HMGCL: variants seen among roughly 807,000 people sequenced by gnomAD.
The protein encoded by HMGCL is 3-hydroxy-3-methylglutaryl-CoA lyase.
A neutral mutation model predicts 37.3 loss-of-function variants in HMGCL; 26 were observed. That is an observed-to-expected ratio of 0.70 (90% CI 0.51 to 0.97). HMGCL has a LOEUF of 0.97. HMGCL is among the 50% of genes least tolerant of loss of function. HMGCL has a pLI of 0.00. For synonymous variants in HMGCL, 151 were observed against 148.0 expected (o/e 1.02, Z -0.15); for missense variants, 379 against 398.1 (o/e 0.95, Z 0.41).
Position 23,810,751 on chromosome 1 carries a change from TG to T in HMGCL, c.545del (p.Pro182GlnfsTer4), listed in dbSNP as rs2148420687. 3 of 1,614,002 alleles carry T rather than the reference TG, an allele frequency of 1.9e-6. No homozygotes were observed. Among genetic ancestry groups the T allele is most frequent in the Non-Finnish European group, 2.5e-6 (3 of 1,179,928 alleles). On this transcript the variant is annotated frameshift_variant, in exon 6 of 9. Coordinates refer to ENST00000374490, the MANE Select transcript of HMGCL (RefSeq NM_000191.3). LOFTEE classifies it high-confidence loss of function. ...LGCPYEGKIS[P>X]AKVAEVTKKF... is the part of the protein sequence containing the mutation. ...ATGCACACACCTCAGCTACTTTAGC[TG>T]GGGAGATCTTCCCTTCATAAGGGCA...
chr1:23,808,095 A>C, intron 7 of HMGCL, 40 bp downstream of exon 7: 2 of 1,564,152 alleles, frequency 1.3e-6, no homozygotes, highest in Non-Finnish European at 1.8e-6. Context: ...TGTCCTGCCC[A>C]CCGTGACCTT....
rs747591535 is a variant in HMGCL at position 23,818,141 on chromosome 1, C to T, written c.145-558G>A. Reference sequence around the variant, plus strand: ...GCTTTCTATGGCTCCCTAATATTTACAGGATTACGCAAAAAATTCTAAGAA... The same window carrying T: ...GCTTTCTATGGCTCCCTAATATTTATAGGATTACGCAAAAAATTCTAAGAA... On this transcript the variant is annotated intron_variant, in intron 2 of 8. Coordinates refer to ENST00000374490, the MANE Select transcript of HMGCL (RefSeq NM_000191.3). 1.1e-3 allele frequency among the ~76,000 whole-genome samples: 165 copies of T among 152,170 alleles called. 1 individual carries two copies. The highest frequency in any genetic ancestry group is 3.2e-4 in the Non-Finnish European group (22 of 68,030).
intron 1 of HMGCL, 121 bp from the exon 2 acceptor site, chr1:23,820,714 C>A: frequency 1.3e-6 from 1 of 748,014 alleles, no homozygotes; most frequent in Non-Finnish European, 2.4e-6. Context: ...ATATTTCTCA[C>A]CATTTAATTC....
intron 6 of HMGCL, chr1:23,810,076 A>T (rs1039725158): frequency 1.3e-5 from 2 of 155,052 alleles, no homozygotes; most frequent in Non-Finnish European, 2.9e-5. Flanking sequence ...GTGGCAACTG[A>T]GGCTAAGACC....
chr1:23,807,237 G>C (rs370162332), intron 7 of HMGCL: 2 of 518,714 alleles, frequency 3.9e-6, no homozygotes, highest in Admixed American at 1.9e-5. Context: ...GCTGGGAAAC[G>C]CATGAGCTGA....
chr1:23,810,073 C>T (rs955247502), intron 6 of HMGCL: 2 of 154,980 alleles, frequency 1.3e-5, no homozygotes, highest in African/African-American at 2.4e-5. Context: ...ATTGTGGCAA[C>T]TGAGGCTAAG....
intron 7 of HMGCL, 124 bp from the exon 8 acceptor site, chr1:23,804,649 T>C: frequency 9.5e-7 from 1 of 1,051,144 alleles, no homozygotes; most frequent in Non-Finnish European, 1.4e-6. Flanking sequence ...CTTTGGCTTA[T>C]GATTCTGTTG....
rs373848421 is a variant in HMGCL at position 23,820,742 on chromosome 1, G to A, written c.61-149C>T. The A allele has an allele frequency of 3.4e-4, 236 of 694,130 alleles. No homozygotes were observed. The East Asian group carries it at 3.9e-3, about 12-fold the overall frequency. The allele number at this position is 694,130 out of a possible 1,614,324, so 43.0% of individuals were successfully genotyped here. A position where few individuals can be genotyped will look rare whatever the true frequency, so the allele number is the denominator to read the frequency against. On this transcript the variant is annotated intron_variant, in intron 1 of 8. Transcript: ENST00000374490. ...TTTAATTCACATTTGGTCTATTTTA[G>A]AATTAAGAACAAAAAGAATATTTCA...
intron 1 of HMGCL, among the ~76,000 whole-genome samples, chr1:23,821,366 TA>T (rs1031719214): frequency 1.4e-5 from 2 of 145,956 alleles, no homozygotes; most frequent in Admixed American, 1.4e-4. Context: ...CCAAAAAAAA[TA>T]AAAAAAGGCC....
At chr1:23,809,151 A>G (rs892446057) in intron 6 of HMGCL, 33 of 148,898 alleles carry the variant, frequency 2.2e-4, no homozygotes, top group African/African-American at 8.2e-4. Context: ...GGTGATCCAC[A>G]TGCTTCGGCC....
intron 1 of HMGCL, among the ~76,000 whole-genome samples, chr1:23,824,131 CCA>C (rs1208979247): frequency 1.3e-5 from 2 of 152,178 alleles, no homozygotes; most frequent in East Asian, 3.8e-4. Flanking sequence ...AAGTACTGTG[CCA>C]CAGTGTCCTG....
chr1:23,823,397 G>A (rs1638757500), intron 1 of HMGCL, among the ~76,000 whole-genome samples: 1 of 151,418 alleles, frequency 6.6e-6, no homozygotes, highest in African/African-American at 2.4e-5. Context: ...TCTGTCTCCA[G>A]GCTGGAGAGC....
At chr1:23,802,664 G>A (rs1638306378) in intron 8 of HMGCL, 100 bp from the exon 9 acceptor site, 3 of 837,396 alleles carry the variant, frequency 3.6e-6, no homozygotes, top group African/African-American at 3.3e-5. Context: ...GAAAAGTAAA[G>A]GTGAAGATAA....
chr1:23,808,435 C>T (rs1638453150), intron 6 of HMGCL, 112 bp from the exon 7 acceptor site: 3 of 845,846 alleles, frequency 3.5e-6, no homozygotes, highest in Non-Finnish European at 6.2e-6. Flanking sequence ...ATGACGCACT[C>T]AGTTCCTACT....
In HMGCL at chr1:23,816,827, T is replaced by C; in HGVS notation, c.253-57A>G. 3 of 1,070,808 alleles carry C rather than the reference T, an allele frequency of 2.8e-6. No homozygotes were observed. The South Asian group carries it at 3.7e-5, about 13-fold the overall frequency. The allele number at this position is 1,070,808 out of a possible 1,614,324, so 66.3% of individuals were successfully genotyped here. Reference sequence around the variant, plus strand: ...CACCAAGAGCAGACAGAGAGTTCAGTTAGAGAAAACCTTTTCATCACAAAA... The same window carrying C: ...CACCAAGAGCAGACAGAGAGTTCAGCTAGAGAAAACCTTTTCATCACAAAA... On this transcript the variant is annotated intron_variant, in intron 3 of 8. Coordinates refer to ENST00000374490, the MANE Select transcript of HMGCL (RefSeq NM_000191.3).
chr1:23,818,595 A>C (rs1158065262), intron 2 of HMGCL, among the ~76,000 whole-genome samples: 2 of 151,758 alleles, frequency 1.3e-5, no homozygotes, highest in Non-Finnish European at 1.5e-5. Context: ...TGTATTGCCC[A>C]GAGTGGAGTG....
At chr1:23,819,006 T>TAA (rs11371330) in intron 2 of HMGCL, among the ~76,000 whole-genome samples, 754 of 43,178 alleles carry the variant, frequency 0.017, 47 homozygotes, top group Middle Eastern at 0.077. Flanking sequence ...ATGGACGTGC[T>TAA]AAAAAAAAAA....
chr1:23,817,359 A>G, intron 3 of HMGCL, 117 bp downstream of exon 3: 1 of 692,138 alleles, frequency 1.4e-6, no homozygotes, highest in Non-Finnish European at 2.6e-6. Context: ...GAATCACCTG[A>G]GACCTCTCAA....
At chr1:23,812,025 T>G (rs1009963556) in intron 5 of HMGCL, among the ~76,000 whole-genome samples, 8 of 152,206 alleles carry the variant, frequency 5.3e-5, no homozygotes, top group African/African-American at 1.7e-4. Context: ...CCAATGTTAC[T>G]GGAGCACCTG....
Sources: gnomAD v4.1 joint callset for allele counts (sites outside exome capture counted in the v4.1 genomes callset) on GRCh38, gnomAD v4.1.1 for gene constraint, MANE v1.5 for transcripts, NCBI Gene and HGNC (gene_info 2026-07-23, HGNC 2026-07-21) for gene names.